SYT13: variants seen among roughly 807,000 people sequenced by gnomAD.
SYT13 encodes the protein synaptotagmin 13.
SYT13 carries 21 observed loss-of-function variants against 38.6 expected under a neutral mutation model. That is an observed-to-expected ratio of 0.54 (90% CI 0.39 to 0.78). The LOEUF is 0.78. SYT13 is among the 30% of genes least tolerant of loss of function. The pLI is 0.00. For missense variants in SYT13, 495 were observed against 548.7 expected (o/e 0.90, Z 0.98); for synonymous variants, 241 against 237.6 (o/e 1.01, Z -0.13).
At chr11:45,283,672 G>A (rs1855100064) in intron 1 of SYT13, among the ~76,000 whole-genome samples, 1 of 152,238 alleles carries the variant, frequency 6.6e-6, no homozygotes, top group African/African-American at 2.4e-5. Flanking sequence ...AGGGAACCAG[G>A]TAAGGGAATG....
intron 1 of SYT13, among the ~76,000 whole-genome samples, chr11:45,264,065 C>T (rs1429318074): frequency 2.6e-5 from 4 of 152,190 alleles, no homozygotes. Context: ...TGATGAACTA[C>T]TTTTTGTTGT....
intron 1 of SYT13, among the ~76,000 whole-genome samples, chr11:45,272,119 C>G (rs569546759): frequency 1.2e-4 from 18 of 152,150 alleles, no homozygotes; most frequent in Non-Finnish European, 2.4e-4. Context: ...ACTGCATGTT[C>G]TCACCCATAA....
At chr11:45,281,032 T>C (rs555633623) in intron 1 of SYT13, among the ~76,000 whole-genome samples, 99 of 151,692 alleles carry the variant, frequency 6.5e-4, no homozygotes, top group Non-Finnish European at 1.3e-3. Flanking sequence ...CCATCTCTAC[T>C]AAAAATACAA....
At chr11:45,285,694 C>A (rs1412299909) in intron 1 of SYT13, among the ~76,000 whole-genome samples, 1 of 152,082 alleles carries the variant, frequency 6.6e-6, no homozygotes, top group East Asian at 1.9e-4. Flanking sequence ...GCCTCCCTCT[C>A]CTCTTACCCT....
Position 45,252,639 on chromosome 11 carries a change from T to C in SYT13, c.628A>G (p.Thr210Ala). The part of the protein sequence containing the change: ...ANRTGSVEAQ[T>A]ALKKRQLHTT... ...TGCAGCTGCCGCTTCTTTAGGGCTG[T>C]CTGAGCCTCCACAGAGCCGGTCCTA... is the stretch of plus-strand genomic sequence containing the variant. The change falls in exon 4 of 6, where the codon ACA becomes GCA. Residue 210 changes from threonine to alanine, a missense_variant. By Grantham distance (58) the Thr-to-Ala change is moderately conservative. Transcript: ENST00000020926. This position sits in a 1 kb window ranked among gnomAD's most constrained non-coding sequence, Gnocchi z 4.3. 6.2e-7 allele frequency: 1 copy of C among 1,613,888 alleles called. No individual in the cohort carries two copies. The highest frequency in any genetic ancestry group is 1.3e-5 in the African/African-American group (1 of 75,060).
intron 4 of SYT13, among the ~76,000 whole-genome samples, chr11:45,247,583 T>C (rs1052961734): frequency 6.6e-6 from 1 of 152,210 alleles, no homozygotes; most frequent in Non-Finnish European, 1.5e-5. Flanking sequence ...GCTGGAGCCC[T>C]GGCTAACAGC....
chr11:45,274,949 G>T (rs1175766228), intron 1 of SYT13, among the ~76,000 whole-genome samples: 1 of 152,118 alleles, frequency 6.6e-6, no homozygotes, highest in Non-Finnish European at 1.5e-5. Flanking sequence ...GATGAACAGA[G>T]ACCTGAAAGG....
At chr11:45,269,234 T>C (rs564501520) in intron 1 of SYT13, among the ~76,000 whole-genome samples, 1 of 152,112 alleles carries the variant, frequency 6.6e-6, no homozygotes, top group Non-Finnish European at 1.5e-5. Flanking sequence ...GCAGGTGCAA[T>C]ACAGCTAAAA....
chr11:45,264,518 C>A (rs1257366609), intron 1 of SYT13, among the ~76,000 whole-genome samples: 1 of 152,128 alleles, frequency 6.6e-6, no homozygotes, highest in East Asian at 1.9e-4. Context: ...CTGAATCCTG[C>A]CAACAACCAC....
Position 45,286,002 on chromosome 11 carries a change from GC to G in SYT13, c.183+22del, listed in dbSNP as rs753559940. The G allele has an allele frequency of 1.1e-5, 17 of 1,596,834 alleles. No individual in the cohort carries two copies. The South Asian group carries it at 1.8e-4, about 17-fold the overall frequency. ...GGCAACCCCGCCTTGCCCGGGAAGGGCCTGCGCGCCGCCCCCGCTCACCTGT... is the reference window on the plus strand; with the variant it reads ...GGCAACCCCGCCTTGCCCGGGAAGGGCTGCGCGCCGCCCCCGCTCACCTGT... On this transcript the variant is annotated intron_variant, in intron 1 of 5. Transcript: ENST00000020926.
Position 45,286,302 on chromosome 11 carries a change from A to C in SYT13, c.-95T>G. ...GCAGCTCCCGGGATCCGGGCGAGCC[A>C]GCAGCTCTCCCGCCGCCAGAGGGGC... On this transcript the variant is annotated 5_prime_UTR_variant, in exon 1 of 6. Coordinates refer to ENST00000020926, the MANE Select transcript of SYT13 (RefSeq NM_020826.3). 1 of 1,375,190 alleles carries C rather than the reference A, an allele frequency of 7.3e-7. No individual in the cohort carries two copies. Among genetic ancestry groups the C allele is most frequent in the South Asian group, 1.5e-5 (1 of 66,038 alleles). 85.2% of individuals were successfully genotyped at this position (1,375,190 alleles called of 1,614,324 possible).
At chr11:45,271,567 G>A (rs1242103229) in intron 1 of SYT13, among the ~76,000 whole-genome samples, 1 of 152,152 alleles carries the variant, frequency 6.6e-6, no homozygotes, top group Non-Finnish European at 1.5e-5. Context: ...GGTCATAAAG[G>A]GCCTTGAATG....
At chr11:45,269,180 T>A (rs1410761252) in intron 1 of SYT13, among the ~76,000 whole-genome samples, 1 of 152,162 alleles carries the variant, frequency 6.6e-6, no homozygotes, top group Non-Finnish European at 1.5e-5. Flanking sequence ...TCCGCCAAGA[T>A]GGCAGAAGGA....
chr11:45,256,952 C>A (rs12362448), intron 1 of SYT13, among the ~76,000 whole-genome samples: 61,707 of 152,070 alleles, frequency 0.41, 14,561 homozygotes, highest in Non-Finnish European at 0.54. Context: ...GTCCCTTGTG[C>A]CTAGCATGGT....
intron 1 of SYT13, among the ~76,000 whole-genome samples, chr11:45,261,915 CAAA>C (rs35524066): frequency 1.5e-5 from 2 of 130,552 alleles, no homozygotes; most frequent in African/African-American, 2.9e-5. Flanking sequence ...GACCTTGTCT[CAAA>C]AAAAAAAAAA....
chr11:45,265,598 G>A (rs1330831182), intron 1 of SYT13, among the ~76,000 whole-genome samples: 1 of 152,204 alleles, frequency 6.6e-6, no homozygotes, highest in African/African-American at 2.4e-5. Flanking sequence ...GGTTTGCAGA[G>A]AGCCATTTTG....
intron 2 of SYT13, 78 bp downstream of exon 2, chr11:45,255,588 C>A: frequency 7.0e-7 from 1 of 1,420,496 alleles, no homozygotes; most frequent in Admixed American, 2.0e-5. Flanking sequence ...CATCAGGCCA[C>A]ACACAGCATC....
Position 45,252,350 on chromosome 11 carries a change from G to C in SYT13, c.846+71C>G. On this transcript the variant is annotated intron_variant, in intron 4 of 5. Coordinates refer to ENST00000020926, the MANE Select transcript of SYT13 (RefSeq NM_020826.3). This position sits in a 1 kb window ranked among gnomAD's most constrained non-coding sequence, Gnocchi z 4.3. ...TTGTTCCCTAAGACTGAGTTGCTGG[G>C]AGGACACCAGGTTCTGCCATCCCAT... 1.3e-6 allele frequency: 2 copies of C among 1,484,050 alleles called. No individual in the cohort carries two copies. The highest frequency in any genetic ancestry group is 1.8e-6 in the Non-Finnish European group (2 of 1,115,320). 91.9% of individuals were successfully genotyped at this position (1,484,050 alleles called of 1,614,324 possible).
chr11:45,246,361 C>T, intron 5 of SYT13, 22 bp downstream of exon 5: 2 of 1,611,778 alleles, frequency 1.2e-6, no homozygotes, highest in Non-Finnish European at 1.7e-6. Context: ...GGGCCTTGGC[C>T]ATCCTCTCAC....
Sources: allele counts gnomAD v4.1 joint callset (sites outside exome capture counted in the v4.1 genomes callset), GRCh38; gene constraint gnomAD v4.1.1; non-coding constraint Gnocchi (gnomAD v3.1); transcripts MANE v1.5; gene names NCBI Gene and HGNC (gene_info 2026-07-23, HGNC 2026-07-21).